Variants in RBM33 observed in about 807,000 individuals in gnomAD.
RBM33 encodes the protein RNA binding motif protein 33.
RBM33 carries 28 observed loss-of-function variants against 132.6 expected under a neutral mutation model. That is an observed-to-expected ratio of 0.21 (90% CI 0.16 to 0.29). The LOEUF (loss-of-function observed/expected upper bound fraction) is 0.29. RBM33 is among the 10% of genes least tolerant of loss of function. The pLI is 1.00. For synonymous variants in RBM33, 634 were observed against 593.0 expected (o/e 1.07, Z -1.01); for missense variants, 1,291 against 1,518.5 (o/e 0.85, Z 2.49).
rs1801358635 is a variant in RBM33 at position 155,742,011 on chromosome 7, G to A, written c.2242G>A (p.Ala748Thr). 2 of 1,613,914 alleles carry A rather than the reference G, an allele frequency of 1.2e-6. No individual in the cohort carries two copies. The highest frequency in any genetic ancestry group is 2.7e-5 in the African/African-American group (2 of 74,944). Residue 748 changes from alanine (A) to threonine (T), a missense_variant, in exon 13 of 18, where the codon GCG (alanine) becomes ACG (threonine). Physicochemically the swap from Ala to Thr is moderately conservative, Grantham distance 58 (BLOSUM62 0). This residue lies in a region of RBM33 where 841 missense variants were observed against 912.0 expected (regional missense o/e 0.92). Coordinates refer to ENST00000401878, the MANE Select transcript of RBM33 (RefSeq NM_053043.3). ...CGCGTCACCACCCTCGCGGGCCGTG[G>A]CGGGTTCCAGAAGCTCACAGGGAAA... ...VSASPPSRAV[A>T]GSRSSQGKTE...
chr7:155,755,508 A>G (rs1307691964), intron 14 of RBM33, among the ~76,000 whole-genome samples: 1 of 152,248 alleles, frequency 6.6e-6, no homozygotes. Flanking sequence ...CAGGGTTAAT[A>G]CAAGTTAGCA....
In RBM33 at chr7:155,718,503, T is replaced by C. The variant is rs866352414; in HGVS notation, c.1260+60T>C. On this transcript the variant is annotated intron_variant, in intron 9 of 17. Coordinates refer to ENST00000401878, the MANE Select transcript of RBM33 (RefSeq NM_053043.3). ...ATGAGCATACATTTACTAAGAAATA[T>C]TAATATAGCAAGTGCAAGAGGTTCC... 4.3e-6 allele frequency: 6 copies of C among 1,394,798 alleles called. 1 individual carries two copies. The Middle Eastern group carries it at 9.0e-4, about 210-fold the overall frequency. The allele number at this position is 1,394,798 out of a possible 1,614,324, so 86.4% of individuals were successfully genotyped here.
chr7:155,673,002 A>G, intron 3 of RBM33, 87 bp downstream of exon 3: 2 of 863,196 alleles, frequency 2.3e-6, no homozygotes, highest in Non-Finnish European at 3.4e-6. Flanking sequence ...CATGGGTTTC[A>G]TTACTGGAAA....
intron 16 of RBM33, among the ~76,000 whole-genome samples, chr7:155,768,417 C>G (rs79001079): frequency 2.0e-5 from 3 of 152,136 alleles, no homozygotes; most frequent in Admixed American, 6.5e-5. Context: ...CCATTTCCTT[C>G]GAGTGCTGGG....
intron 2 of RBM33, among the ~76,000 whole-genome samples, chr7:155,671,706 C>T (rs1272150978): frequency 5.3e-5 from 8 of 152,120 alleles, no homozygotes; most frequent in African/African-American, 1.7e-4. Context: ...ATAACAATAT[C>T]GATGCAGTTA....
At chr7:155,698,019 A>T (rs907770577) in intron 5 of RBM33, among the ~76,000 whole-genome samples, 3 of 152,198 alleles carry the variant, frequency 2.0e-5, no homozygotes, top group African/African-American at 7.2e-5. Context: ...GTAGCAGCAC[A>T]CTACCCATCA....
At chr7:155,653,344 G>A (rs1798406214) in intron 1 of RBM33, among the ~76,000 whole-genome samples, 1 of 152,062 alleles carries the variant, frequency 6.6e-6, no homozygotes, top group Non-Finnish European at 1.5e-5. Context: ...AGGTTCTGGT[G>A]GACATGCCCT....
At chr7:155,723,949 C>T (rs1375851176) in intron 9 of RBM33, among the ~76,000 whole-genome samples, 3 of 152,110 alleles carry the variant, frequency 2.0e-5, no homozygotes, top group African/African-American at 4.8e-5. Flanking sequence ...TTGACTGGGA[C>T]ACCTTTTAAA....
intron 1 of RBM33, among the ~76,000 whole-genome samples, chr7:155,655,084 C>T (rs1329999339): frequency 6.6e-6 from 1 of 152,120 alleles, no homozygotes; most frequent in African/African-American, 2.4e-5. Flanking sequence ...ATAAAGAAGA[C>T]CATAAATCCA....
chr7:155,652,565 G>A (rs56177396), intron 1 of RBM33, among the ~76,000 whole-genome samples: 5,789 of 152,284 alleles, frequency 0.038, 353 homozygotes, highest in African/African-American at 0.13. Context: ...GTAAAAGTTT[G>A]TGTTAACTGT....
intron 6 of RBM33, chr7:155,701,337 T>A (rs1033773239): frequency 2.0e-4 from 58 of 286,236 alleles, no homozygotes; most frequent in African/African-American, 1.2e-3. Flanking sequence ...CAAGACCGGT[T>A]TATATTTTGT....
At chr7:155,665,318 C>T (rs1798772263) in intron 2 of RBM33, 65 bp downstream of exon 2, 1 of 1,435,736 alleles carries the variant, frequency 7.0e-7, no homozygotes, top group Non-Finnish European at 9.8e-7. Context: ...CACTTGGCTC[C>T]TGAGGGATCT....
intron 2 of RBM33, among the ~76,000 whole-genome samples, chr7:155,669,251 G>A (rs576985714): frequency 6.6e-6 from 1 of 152,226 alleles, no homozygotes; most frequent in African/African-American, 2.4e-5. Context: ...GGAAGAATAT[G>A]ATGTCATTGC....
At chr7:155,656,023 T>C (rs1798482853) in intron 1 of RBM33, among the ~76,000 whole-genome samples, 1 of 152,248 alleles carries the variant, frequency 6.6e-6, no homozygotes, top group Admixed American at 6.5e-5. Flanking sequence ...ATTTTAGTGC[T>C]TGGCGGATAC....
chr7:155,758,541 T>C (rs1801925679), intron 14 of RBM33, among the ~76,000 whole-genome samples: 2 of 152,178 alleles, frequency 1.3e-5, no homozygotes, highest in Admixed American at 6.5e-5. Flanking sequence ...GCAGTAATGC[T>C]TGCCTGCCTG....
intron 8 of RBM33, among the ~76,000 whole-genome samples, chr7:155,717,069 G>A (rs1490664946): frequency 1.3e-5 from 2 of 152,100 alleles, no homozygotes; most frequent in African/African-American, 4.8e-5. Context: ...TTTTTATAGT[G>A]ATTCTGATGG....
At chr7:155,766,912 T>C in intron 16 of RBM33, 1 of 495,136 alleles carries the variant, frequency 2.0e-6, no homozygotes. Flanking sequence ...TTTGAGATCC[T>C]TTTAATTGTC....
chr7:155,741,331 G>C (rs982614015), intron 12 of RBM33, among the ~76,000 whole-genome samples: 2 of 151,598 alleles, frequency 1.3e-5, no homozygotes, highest in Admixed American at 6.6e-5. Flanking sequence ...CGAGTAAAAC[G>C]TTCTGGCACC....
chr7:155,645,752 T>C (rs529513046), intron 1 of RBM33, among the ~76,000 whole-genome samples: 1 of 152,314 alleles, frequency 6.6e-6, no homozygotes, highest in African/African-American at 2.4e-5. Context: ...AAAATATGGA[T>C]AACAAAAGCA....
Sources: gnomAD v4.1 joint callset for allele counts (sites outside exome capture counted in the v4.1 genomes callset) on GRCh38, gnomAD v4.1.1 for gene constraint, gnomAD v4.1.1 regional missense constraint, MANE v1.5 for transcripts, NCBI Gene and HGNC (gene_info 2026-07-23, HGNC 2026-07-21) for gene names.